The following CPAMD8 variants were observed in gnomAD, a reference collection of about 807,000 sequenced individuals.
The protein encoded by CPAMD8 is C3 and PZP like alpha-2-macroglobulin domain containing 8.
A neutral mutation model predicts 224.7 loss-of-function variants in CPAMD8; 146 were observed. The ratio of observed to expected loss-of-function variants is 0.65; its 90% CI spans 0.57 to 0.75. The LOEUF is 0.75. Among genes scored for constraint, CPAMD8 ranks in the 30% least tolerant of loss-of-function variants. The pLI, the probability that CPAMD8 is intolerant of heterozygous loss-of-function variation, is 0.00. For missense variants in CPAMD8, 2,301 were observed against 2,537.5 expected, an observed-to-expected ratio of 0.91 and a Z score of 2.00; for synonymous variants, 966 against 1,044.6, an observed-to-expected ratio of 0.92 and a Z score of 1.45.
intron 26 of CPAMD8, 67 bp downstream of exon 26, chr19:16,925,129 T>C (rs1380315288): frequency 6.4e-7 from 1 of 1,564,172 alleles, no homozygotes; most frequent in Non-Finnish European, 8.8e-7. Context: ...CAGCGTGGTC[T>C]TCTCCACTGA....
At chr19:17,003,770 C>T (rs1285249358) in intron 8 of CPAMD8, among the ~76,000 whole-genome samples, 1 of 149,030 alleles carries the variant, frequency 6.7e-6, no homozygotes, top group African/African-American at 2.5e-5. Context: ...GGGTGTGAAA[C>T]CCTGCCTCAA....
In CPAMD8 at chr19:16,893,519, C is replaced by G. The variant is rs1229418876; in HGVS notation, c.5427-180G>C. 7.3e-6 allele frequency: 4 copies of G among 544,476 alleles called. No individual in the cohort carries two copies. In the East Asian group the frequency reaches 1.1e-4, roughly 15 times the overall value. 33.7% of individuals were successfully genotyped at this position (544,476 alleles called of 1,614,324 possible). A position where few individuals can be genotyped will look rare whatever the true frequency, so the allele number is the denominator to read the frequency against. On this transcript the variant is annotated intron_variant, in intron 41 of 41. Coordinates refer to ENST00000443236, the MANE Select transcript of CPAMD8 (RefSeq NM_015692.5). ...GAGGGGCCTCCGTGCTGGCAGAGAT[C>G]AGGGCTGAGCGGTGTTGGCTGAAAT...
At chr19:17,019,359 G>C (rs918727977) in intron 3 of CPAMD8, among the ~76,000 whole-genome samples, 1 of 152,074 alleles carries the variant, frequency 6.6e-6, no homozygotes, top group African/African-American at 2.4e-5. Flanking sequence ...CTGACCTCAG[G>C]TGATCCACCC....
At chr19:16,897,849 G>GGGACC (rs745966595) in intron 38 of CPAMD8, 40 bp downstream of exon 38, 1 of 1,582,378 alleles carries the variant, frequency 6.3e-7, no homozygotes, top group Non-Finnish European at 8.6e-7. Context: ...CGACGGGTCA[G>GGGACC]GGACCGGGCC....
In CPAMD8 at chr19:16,914,702, A is replaced by G; in HGVS notation, c.3741T>C (p.Asp1247=). ...CCCTGCCCACGGCCAGGAAGGAGCC[A>G]TCGGCCTGCTGCTGCTGGATGATCC... ...KSWIIQQQQA[D]GSFLAVGRVL... is the part of the protein sequence containing the mutation. The change falls in exon 28 of 42, where the codon GAT becomes GAC. Residue 1247 remains aspartate, a synonymous_variant. Transcript: ENST00000443236. The G allele has an allele frequency of 6.2e-7, 1 of 1,614,150 alleles. No individual in the cohort carries two copies. The highest frequency in any genetic ancestry group is 8.5e-7 in the Non-Finnish European group (1 of 1,180,012).
At chr19:16,968,999 G>A (rs1214705369) in intron 18 of CPAMD8, among the ~76,000 whole-genome samples, 1 of 152,150 alleles carries the variant, frequency 6.6e-6, no homozygotes, top group African/African-American at 2.4e-5. Context: ...ACTCATGAAG[G>A]TAGAGTTGGA....
Position 17,026,576 on chromosome 19 carries a change from C to G in CPAMD8, c.67G>C (p.Val23Leu), listed in dbSNP as rs768658843. The G allele has an allele frequency of 6.6e-7, 1 of 1,526,442 alleles. No individual in the cohort carries two copies. Among genetic ancestry groups the G allele is most frequent in the Admixed American group, 2.0e-5 (1 of 49,520 alleles). The allele number at this position is 1,526,442 out of a possible 1,614,324, so 94.6% of individuals were successfully genotyped here. A position where few individuals can be genotyped will look rare whatever the true frequency, so the allele number is the denominator to read the frequency against. The change falls in exon 1 of 42, where the codon GTG becomes CTG. Residue 23 changes from valine (V) to leucine (L), a missense_variant. By Grantham distance (32) the Val-to-Leu change is conservative. Transcript: ENST00000443236. ...GGGGCCTGAGGCTGCGCGGCGCGCA[C>G]GCCGTCCCGCGCCGACAGCAGCAGG... ...LLLLLSARDG[V>L]RAAQPQAPGY...
In CPAMD8 at chr19:16,964,626, T is replaced by C. The variant is rs942259186; in HGVS notation, c.2213+6265A>G. On this transcript the variant is annotated intron_variant, in intron 18 of 41. Coordinates refer to ENST00000443236, the MANE Select transcript of CPAMD8 (RefSeq NM_015692.5). ...CACCAGAAGTACAAAGAGGAGCTGA[T>C]ACCATTCCTTCTGAAACTATTCTAA... 9.2e-5 allele frequency among the ~76,000 whole-genome samples: 14 copies of C among 152,234 alleles called. 1 individual carries two copies. Among genetic ancestry groups the C allele is most frequent in the Admixed American group, 6.5e-4 (10 of 15,282 alleles).
rs759042766 is a variant in CPAMD8 at position 16,945,646 on chromosome 19, C to A, written c.2696G>T (p.Cys899Phe). 1.9e-6 allele frequency: 3 copies of A among 1,614,184 alleles called. No homozygotes were observed. The Admixed American group carries it at 5.0e-5, about 27-fold the overall frequency. The change falls in exon 22 of 42, where the codon TGC becomes TTC. Residue 899 changes from cysteine (C) to phenylalanine (F), a missense_variant. Physicochemically the swap from Cys to Phe is radical, Grantham distance 205. Coordinates refer to ENST00000443236, the MANE Select transcript of CPAMD8 (RefSeq NM_015692.5). Reference protein sequence around the residue: ...KALAYGDTNCCRDGRSSKHPE... With the variant: ...KALAYGDTNCFRDGRSSKHPE... ...GTGTTTGCTGGACCTCCCATCCCGGCAGCAATTTGTGTCTCCGTAAGCAAG... is the reference window on the plus strand; with the variant it reads ...GTGTTTGCTGGACCTCCCATCCCGGAAGCAATTTGTGTCTCCGTAAGCAAG...
rs1157737484 is a variant in CPAMD8, at chr19:16,959,332, G to A, written c.2214-1417C>T. ...CCTGGAATTGCAGGTGTGCCACCACGCCCGGCTAATTTTTGTATTTTTAGT... is the reference window on the plus strand; with the variant it reads ...CCTGGAATTGCAGGTGTGCCACCACACCCGGCTAATTTTTGTATTTTTAGT... On this transcript the variant is annotated intron_variant, in intron 18 of 41. Coordinates refer to ENST00000443236, the MANE Select transcript of CPAMD8 (RefSeq NM_015692.5). 4.6e-5 allele frequency among the ~76,000 whole-genome samples: 7 copies of A among 150,718 alleles called. No homozygotes were observed. The South Asian group carries it at 8.4e-4, about 18-fold the overall frequency.
Position 16,899,614 on chromosome 19 carries a change from G to T in CPAMD8, c.4774-65C>A. On this transcript the variant is annotated intron_variant, in intron 36 of 41. Transcript: ENST00000443236. The surrounding 1 kb of genome is among the most constrained non-coding windows in gnomAD (Gnocchi z 5.4). ...ACTTGCTTCCTCTCCCATCCCCTGG[G>T]GGCAGTGGTCAGTGGGATGCTTGGA... 1.2e-6 allele frequency: 1 copy of T among 823,044 alleles called. No homozygotes were observed. The highest frequency in any genetic ancestry group is 2.2e-6 in the Non-Finnish European group (1 of 463,514). 51.0% of individuals were successfully genotyped at this position (823,044 alleles called of 1,614,324 possible). A position where few individuals can be genotyped will look rare whatever the true frequency, so the allele number is the denominator to read the frequency against.
In CPAMD8 at chr19:16,925,328, G is replaced by T. The variant is rs370777148; in HGVS notation, c.3415C>A (p.Arg1139=). ...PTLNHLNNLL[R]LPFGCGEQNM... The stretch of plus-strand genomic sequence containing the variant: ...TGCTCTCCACAGCCAAACGGCAGCC[G>T]CAGGAGGTTGTTGAGGTGGTTCAGG... Residue 1139 remains arginine, a synonymous_variant, in exon 26 of 42, where the codon CGG becomes AGG. Coordinates refer to ENST00000443236, the MANE Select transcript of CPAMD8 (RefSeq NM_015692.5). 1.3e-4 allele frequency: 215 copies of T among 1,614,026 alleles called. No homozygotes were observed. The highest frequency in any genetic ancestry group is 4.9e-4 in the Middle Eastern group (3 of 6,080).
chr19:16,914,729 G>C lies in CPAMD8; in HGVS notation c.3714C>G (p.Ser1238Arg), dbSNP rs780609237. 1.2e-6 allele frequency: 2 copies of C among 1,614,114 alleles called. No individual in the cohort carries two copies. Among genetic ancestry groups the C allele is most frequent in the South Asian group, 1.1e-5 (1 of 91,080 alleles). Residue 1238 changes from serine (S) to arginine (R), a missense_variant, in exon 28 of 42, where the codon AGC becomes AGG. Coordinates refer to ENST00000443236, the MANE Select transcript of CPAMD8 (RefSeq NM_015692.5). The stretch of plus-strand genomic sequence containing the variant: ...CGGCCTGCTGCTGCTGGATGATCCA[G>C]CTCTTGGCGGCAGCCAGCTCCCGGG... The part of the protein sequence containing the change: ...VDPRELAAAK[S>R]WIIQQQQADG...
chr19:17,026,565 C>G lies in CPAMD8; in HGVS notation c.78G>C (p.Ala26=), dbSNP rs769250040. 3.3e-6 allele frequency: 5 copies of G among 1,525,164 alleles called. 1 individual carries two copies. Among genetic ancestry groups the G allele is most frequent in the East Asian group, 5.3e-5 (2 of 37,674 alleles). The allele number at this position is 1,525,164 out of a possible 1,614,324, so 94.5% of individuals were successfully genotyped here. The part of the protein sequence containing the change: ...LLSARDGVRA[A]QPQAPGYLIA... Reference sequence around the variant, plus strand: ...AGGATACTCACGGGGCCTGAGGCTGCGCGGCGCGCACGCCGTCCCGCGCCG... The same window carrying G: ...AGGATACTCACGGGGCCTGAGGCTGGGCGGCGCGCACGCCGTCCCGCGCCG... Residue 26 remains alanine, a synonymous_variant, in exon 1 of 42, where the codon GCG becomes GCC. Coordinates refer to ENST00000443236, the MANE Select transcript of CPAMD8 (RefSeq NM_015692.5).
intron 8 of CPAMD8, among the ~76,000 whole-genome samples, chr19:17,003,335 G>A (rs7249435): frequency 0.18 from 27,397 of 151,662 alleles, 2,840 homozygotes; most frequent in African/African-American, 0.28. Flanking sequence ...CGAGTAGCGG[G>A]GACTACAGGC....
chr19:16,893,651 C>A, intron 41 of CPAMD8: 1 of 288,936 alleles, frequency 3.5e-6, no homozygotes, highest in Non-Finnish European at 6.5e-6. Context: ...CTGGTAGGGC[C>A]CCCCAAGGCA....
chr19:17,010,425 C>G (rs1387578346), intron 5 of CPAMD8, among the ~76,000 whole-genome samples: 1 of 151,898 alleles, frequency 6.6e-6, no homozygotes, highest in Non-Finnish European at 1.5e-5. Flanking sequence ...AATTTTTTGT[C>G]AAGACAGTTT....
At chr19:16,983,261 G>A (rs2055579511) in intron 13 of CPAMD8, among the ~76,000 whole-genome samples, 1 of 152,088 alleles carries the variant, frequency 6.6e-6, no homozygotes, top group East Asian at 1.9e-4. Flanking sequence ...AATTAGCAAG[G>A]CACGGTGGCA....
intron 20 of CPAMD8, among the ~76,000 whole-genome samples, chr19:16,949,829 G>A (rs1046921214): frequency 2.0e-5 from 3 of 152,106 alleles, no homozygotes; most frequent in South Asian, 4.1e-4. Context: ...CAGGTTCAGG[G>A]GGACTTCCCC....
Sources: allele counts gnomAD v4.1 joint callset (sites outside exome capture counted in the v4.1 genomes callset), GRCh38; gene constraint gnomAD v4.1.1; non-coding constraint Gnocchi (gnomAD v3.1); transcripts MANE v1.5; gene names NCBI Gene and HGNC (gene_info 2026-07-23, HGNC 2026-07-21).